The following SUV39H2 variants were observed in gnomAD, a reference collection of about 807,000 sequenced individuals.
SUV39H2 encodes histone-lysine N-methyltransferase SUV39H2.
A neutral mutation model predicts 47.5 loss-of-function variants in SUV39H2; 10 were observed. The ratio of observed to expected loss-of-function variants is 0.21; its 90% CI spans 0.13 to 0.36. The LOEUF (loss-of-function observed/expected upper bound fraction) is 0.36. Among genes scored for constraint, SUV39H2 ranks in the 10% least tolerant of loss-of-function variants. SUV39H2 has a pLI of 1.00. For missense variants in SUV39H2, 266 were observed against 487.4 expected (o/e 0.55, Z 4.28); for synonymous variants, 159 against 166.8 (o/e 0.95, Z 0.36).
At position 14,901,175 on chromosome 10, in the gene SUV39H2, C is replaced by G. The variant is rs1284968606; in HGVS notation, c.1039C>G (p.Leu347Val). The G allele has an allele frequency of 3.1e-6, 5 of 1,613,816 alleles. No individual in the cohort carries two copies. The highest frequency in any genetic ancestry group is 4.2e-6 in the Non-Finnish European group (5 of 1,179,932). The change falls in exon 5 of 6, where the codon CTC becomes GTC. Residue 347 changes from leucine to valine, a missense_variant. This residue lies in a region of SUV39H2 where 112 missense variants were observed against 271.9 expected (regional missense o/e 0.41). Transcript: ENST00000354919. ...LQVFNVFIDNLDTRLPRIALF... is the reference protein window; with the variant it reads ...LQVFNVFIDNVDTRLPRIALF... ...GGTGTTCAATGTTTTCATTGATAAC[C>G]TCGATACTCGTCTTCCCCGAATAGC...
intron 4 of SUV39H2, 128 bp downstream of exon 4, chr10:14,899,813 G>A: frequency 6.1e-6 from 7 of 1,140,372 alleles, no homozygotes; most frequent in Non-Finnish European, 8.5e-6. Flanking sequence ...ATTTTATAAG[G>A]AGGGCAGCTT....
At chr10:14,887,569 A>G (rs1588838150) in intron 2 of SUV39H2, among the ~76,000 whole-genome samples, 1 of 152,208 alleles carries the variant, frequency 6.6e-6, no homozygotes, top group Non-Finnish European at 1.5e-5. Flanking sequence ...AACTAGAAAC[A>G]TAGATCCTAA....
In SUV39H2 at chr10:14,881,600, A is replaced by C; in HGVS notation, c.132A>C (p.Leu44=). The C allele has an allele frequency of 6.2e-7, 1 of 1,603,770 alleles. No homozygotes were observed. Among genetic ancestry groups the C allele is most frequent in the Non-Finnish European group, 8.5e-7 (1 of 1,176,792 alleles). The part of the protein sequence containing the change: ...CKSIGITKRN[L]NNYEVEYLCD... ...CGATTGGAATCACCAAAAGGAATCT[A>C]AACAATTATGAGGTGGAATACTTGT... Residue 44 remains leucine (L), a synonymous_variant, in exon 2 of 6, where the codon CTA becomes CTC. Transcript: ENST00000354919.
chr10:14,898,098 A>G (rs1049212132), intron 3 of SUV39H2: 5 of 150,550 alleles, frequency 3.3e-5, no homozygotes, highest in African/African-American at 9.8e-5. Context: ...ATGTATATAT[A>G]TATATAAATG....
intron 2 of SUV39H2, among the ~76,000 whole-genome samples, chr10:14,885,052 A>G (rs771167704): frequency 2.0e-5 from 3 of 151,932 alleles, no homozygotes; most frequent in Admixed American, 1.3e-4. Flanking sequence ...CTCCTTTACT[A>G]TCTCTTATCT....
intron 1 of SUV39H2, chr10:14,879,155 T>C (rs1209739937): frequency 5.0e-6 from 6 of 1,196,648 alleles, no homozygotes; most frequent in South Asian, 7.4e-5. Flanking sequence ...CTGGGGCACT[T>C]CGGAAGTGGA....
At chr10:14,879,349 A>C (rs1396997682) in intron 1 of SUV39H2, among the ~76,000 whole-genome samples, 1 of 152,004 alleles carries the variant, frequency 6.6e-6, no homozygotes, top group Non-Finnish European at 1.5e-5. Context: ...GGGAGGCGGG[A>C]AGCGACGCCC....
At chr10:14,882,228 A>C (rs974154769) in intron 2 of SUV39H2, among the ~76,000 whole-genome samples, 2 of 152,214 alleles carry the variant, frequency 1.3e-5, no homozygotes, top group African/African-American at 4.8e-5. Flanking sequence ...TTTTTGATCT[A>C]AACTGTATAT....
rs967600876 is a variant in SUV39H2, at chr10:14,879,151, C to A, written c.31+232C>A. ...AGGTGGGCACTGTCCGAGCCTGGGGCACTTCGGAAGTGGAGCGTGGCCTCT... is the reference window on the plus strand; with the variant it reads ...AGGTGGGCACTGTCCGAGCCTGGGGAACTTCGGAAGTGGAGCGTGGCCTCT... On this transcript the variant is annotated intron_variant, in intron 1 of 5. Transcript: ENST00000354919. The A allele has an allele frequency of 4.9e-6, 6 of 1,222,262 alleles. No individual in the cohort carries two copies. In the African/African-American group the frequency reaches 7.9e-5, roughly 16 times the overall value. The allele number at this position is 1,222,262 out of a possible 1,614,324, so 75.7% of individuals were successfully genotyped here. A position where few individuals can be genotyped will look rare whatever the true frequency, so the allele number is the denominator to read the frequency against.
chr10:14,896,963 A>T lies in SUV39H2; in HGVS notation c.295A>T (p.Asn99Tyr). 1 of 1,614,110 alleles carries T rather than the reference A, an allele frequency of 6.2e-7. No individual in the cohort carries two copies. Among genetic ancestry groups the T allele is most frequent in the East Asian group, 2.2e-5 (1 of 44,876 alleles). The change falls in exon 3 of 6, where the codon AAT (asparagine) becomes TAT (tyrosine). Residue 99 changes from asparagine (N) to tyrosine (Y), a missense_variant. Coordinates refer to ENST00000354919, the MANE Select transcript of SUV39H2 (RefSeq NM_001193424.2). ...LLQQFSNDKH[N>Y]YLSQVKKGKA... Reference sequence around the variant, plus strand: ...TCAGCAATTCTCTAATGACAAGCATAATTATTTATCTCAGGTAAAGAAAGG... The same window carrying T: ...TCAGCAATTCTCTAATGACAAGCATTATTATTTATCTCAGGTAAAGAAAGG...
intron 1 of SUV39H2, among the ~76,000 whole-genome samples, chr10:14,879,537 ACT>A (rs1832979040): frequency 6.6e-6 from 1 of 151,896 alleles, no homozygotes; most frequent in South Asian, 2.1e-4. Flanking sequence ...GCTTACGGTA[ACT>A]CTTTCACCCA....
In SUV39H2 at chr10:14,903,503, T is replaced by G. The variant is rs776469170; in HGVS notation, c.*991T>G. ...TAATATTTTTATACTTCCTGCAGGT[T>G]CTTCTTAAAAAGTAATCTATATTTT... On this transcript the variant is annotated 3_prime_UTR_variant, in exon 6 of 6. Coordinates refer to ENST00000354919, the MANE Select transcript of SUV39H2 (RefSeq NM_001193424.2). The G allele has an allele frequency of 7.9e-5, 12 of 152,230 alleles. No individual in the cohort carries two copies. The highest frequency in any genetic ancestry group is 1.6e-4 in the Non-Finnish European group (11 of 68,040). The allele number at this position is 152,230 out of a possible 1,614,324, so 9.4% of individuals were successfully genotyped here. A position where few individuals can be genotyped will look rare whatever the true frequency, so the allele number is the denominator to read the frequency against.
At chr10:14,880,903 A>G (rs1464042533) in intron 1 of SUV39H2, among the ~76,000 whole-genome samples, 2 of 152,242 alleles carry the variant, frequency 1.3e-5, no homozygotes, top group Non-Finnish European at 2.9e-5. Context: ...AATATATTGC[A>G]GTATGGGTAG....
At chr10:14,887,834 C>T (rs138079010) in intron 2 of SUV39H2, among the ~76,000 whole-genome samples, 2 of 152,326 alleles carry the variant, frequency 1.3e-5, no homozygotes, top group African/African-American at 4.8e-5. Context: ...AAAGATCTCA[C>T]TTATCCTGGA....
intron 1 of SUV39H2, among the ~76,000 whole-genome samples, chr10:14,879,370 A>G (rs1159314351): frequency 2.0e-5 from 3 of 152,208 alleles, no homozygotes. Flanking sequence ...GCCGGCGTGA[A>G]CATGACCTTA....
intron 2 of SUV39H2, among the ~76,000 whole-genome samples, chr10:14,891,789 G>A (rs765478342): frequency 5.3e-5 from 8 of 152,172 alleles, no homozygotes; most frequent in Non-Finnish European, 1.2e-4. Context: ...TCGATAGGTT[G>A]CTTTAAGAAC....
chr10:14,881,705 C>G (rs757185869), intron 2 of SUV39H2, 60 bp downstream of exon 2: 12 of 1,288,194 alleles, frequency 9.3e-6, no homozygotes, highest in Non-Finnish European at 1.0e-5. Flanking sequence ...TTTCGTATTT[C>G]TGTAACATAA....
In SUV39H2 at chr10:14,900,628, G is replaced by T. The variant is rs150985488; in HGVS notation, c.997-505G>T. ...CTACATCTTTTTTCTTGCATATTCC[G>T]TAAGTTTACTGTAGTATTCTCAAAA... On this transcript the variant is annotated intron_variant, in intron 4 of 5. Transcript: ENST00000354919. Among the ~76,000 whole-genome samples, 370 of 152,176 alleles carry T rather than the reference G, an allele frequency of 2.4e-3. 2 individuals are homozygous for T. Among genetic ancestry groups the T allele is most frequent in the African/African-American group, 8.3e-3 (344 of 41,536 alleles).
chr10:14,889,682 G>C (rs1331957043), intron 2 of SUV39H2, among the ~76,000 whole-genome samples: 1 of 152,182 alleles, frequency 6.6e-6, no homozygotes, highest in African/African-American at 2.4e-5. Flanking sequence ...TAACACAGGA[G>C]GTAGGGGTGG....
Sources: gnomAD v4.1 joint callset for allele counts (sites outside exome capture counted in the v4.1 genomes callset) on GRCh38, gnomAD v4.1.1 for gene constraint, gnomAD v4.1.1 regional missense constraint, MANE v1.5 for transcripts, NCBI Gene and HGNC (gene_info 2026-07-23, HGNC 2026-07-21) for gene names.